CNBD1: variants seen among roughly 807,000 people sequenced by gnomAD.
The protein encoded by CNBD1 is cyclic nucleotide-binding domain-containing protein 1.
In CNBD1, 71 loss-of-function variants were observed where a neutral mutation model predicts 54.4. The ratio of observed to expected loss-of-function variants is 1.30; its 90% CI spans 1.08 to 1.59. The LOEUF is 1.59. CNBD1 is among the 40% of genes most tolerant of loss of function. CNBD1 has a pLI of 0.00. For missense variants in CNBD1, 659 were observed against 518.0 expected (o/e 1.27, Z -2.64); for synonymous variants, 182 against 170.7 (o/e 1.07, Z -0.51).
chr8:87,385,553 A>G (rs893116677), downstream of CNBD1, among the ~76,000 whole-genome samples: 7 of 152,094 alleles, frequency 4.6e-5, no homozygotes, highest in Non-Finnish European at 1.0e-4. Context: ...ACTGCAAGGC[A>G]GCAGTGAGGC....
At chr8:87,161,572 C>T (rs1230332570) in intron 4 of CNBD1, among the ~76,000 whole-genome samples, 3 of 152,010 alleles carry the variant, frequency 2.0e-5, no homozygotes, top group Admixed American at 6.6e-5. Flanking sequence ...CAATTAAGTA[C>T]ACATAAAATC....
chr8:87,387,634 T>A (rs1383620900), downstream of CNBD1, among the ~76,000 whole-genome samples: 1 of 152,114 alleles, frequency 6.6e-6, no homozygotes, highest in African/African-American at 2.4e-5. Context: ...CAAAGACACT[T>A]AGACTCCCAC....
chr8:87,344,613 CT>C (rs1810132756), intron 8 of CNBD1, among the ~76,000 whole-genome samples: 1 of 151,988 alleles, frequency 6.6e-6, no homozygotes, highest in African/African-American at 2.4e-5. Flanking sequence ...TTACCTGCCC[CT>C]GTGTAGACTA....
At chr8:87,424,774 T>C (rs1013252059) in intron 2 of CNBD1, among the ~76,000 whole-genome samples, 2 of 152,170 alleles carry the variant, frequency 1.3e-5, no homozygotes, top group Non-Finnish European at 2.9e-5. Context: ...CATTTCAACT[T>C]TGGTGAATCT....
chr8:86,947,064 G>A (rs911735460), intron 4 of CNBD1, among the ~76,000 whole-genome samples: 2 of 152,084 alleles, frequency 1.3e-5, no homozygotes, highest in African/African-American at 4.8e-5. Flanking sequence ...GCAAGATTTG[G>A]TTGTTTCTAG....
chr8:87,247,899 G>A (rs1022459835), intron 6 of CNBD1, among the ~76,000 whole-genome samples: 1 of 152,190 alleles, frequency 6.6e-6, no homozygotes, highest in African/African-American at 2.4e-5. Flanking sequence ...CACAATTTCT[G>A]TATGGGTGAC....
intron 8 of CNBD1, among the ~76,000 whole-genome samples, chr8:87,335,310 A>G (rs1809921806): frequency 6.6e-6 from 1 of 152,144 alleles, no homozygotes. Flanking sequence ...GGGGTGTTAA[A>G]GTCTCCTACT....
At chr8:87,416,303 T>A (rs903314493) in intron 2 of CNBD1, among the ~76,000 whole-genome samples, 1 of 152,056 alleles carries the variant, frequency 6.6e-6, no homozygotes, top group Admixed American at 6.6e-5. Flanking sequence ...AACATTCTAT[T>A]TTCTATGAAA....
chr8:87,237,868 A>C (rs1176759079), intron 6 of CNBD1, among the ~76,000 whole-genome samples: 1 of 152,180 alleles, frequency 6.6e-6, no homozygotes, highest in African/African-American at 2.4e-5. Flanking sequence ...GACAAGGATA[A>C]AAATGAACAA....
At chr8:87,055,441 T>A (rs1020189296) in intron 4 of CNBD1, among the ~76,000 whole-genome samples, 1 of 151,746 alleles carries the variant, frequency 6.6e-6, no homozygotes, top group Non-Finnish European at 1.5e-5. Flanking sequence ...AGTCCCCCCC[T>A]TCCCTCCCTG....
intron 8 of CNBD1, among the ~76,000 whole-genome samples, chr8:87,347,782 A>G (rs1215490128): frequency 2.0e-5 from 3 of 152,140 alleles, no homozygotes; most frequent in Non-Finnish European, 4.4e-5. Context: ...CCTGCTGAGA[A>G]GGGGAGAAAG....
chr8:87,231,778 A>G (rs190141843), intron 5 of CNBD1, among the ~76,000 whole-genome samples: 64 of 152,216 alleles, frequency 4.2e-4, no homozygotes, highest in South Asian at 3.7e-3. Flanking sequence ...TTTTAAGGCA[A>G]AATTTATATA....
chr8:87,319,746 A>G (rs1033233549), intron 8 of CNBD1, among the ~76,000 whole-genome samples: 1 of 152,112 alleles, frequency 6.6e-6, no homozygotes, highest in Non-Finnish European at 1.5e-5. Flanking sequence ...CTCTATAAGA[A>G]TAAAATTAAC....
At chr8:87,186,757 ATAGTG>A (rs1332283764) in intron 4 of CNBD1, among the ~76,000 whole-genome samples, 1 of 152,078 alleles carries the variant, frequency 6.6e-6, no homozygotes, top group African/African-American at 2.4e-5. Context: ...ATTGAAATAT[ATAGTG>A]TAAGTAATTT....
chr8:86,920,990 T>A (rs1809263216), intron 3 of CNBD1, among the ~76,000 whole-genome samples: 1 of 152,122 alleles, frequency 6.6e-6, no homozygotes, highest in South Asian at 2.1e-4. Flanking sequence ...TGTTCAAAAG[T>A]AAAGATGAAT....
intron 2 of CNBD1, among the ~76,000 whole-genome samples, chr8:87,414,408 A>T (rs1807803424): frequency 1.3e-5 from 2 of 152,206 alleles, no homozygotes; most frequent in Non-Finnish European, 1.5e-5. Flanking sequence ...GCATTAGGAG[A>T]TATACCTAAT....
intron 8 of CNBD1, among the ~76,000 whole-genome samples, chr8:87,342,445 A>C (rs2130920355): frequency 6.6e-6 from 1 of 152,280 alleles, no homozygotes; most frequent in East Asian, 1.9e-4. Context: ...TGAATCAGTT[A>C]TTTTAAAATT....
chr8:86,974,405 C>A (rs1191615476), intron 4 of CNBD1, among the ~76,000 whole-genome samples: 1 of 151,764 alleles, frequency 6.6e-6, no homozygotes, highest in African/African-American at 2.4e-5. Context: ...TACCACAGAG[C>A]AACTATGTAT....
chr8:87,039,897 A>G (rs1407596895), intron 4 of CNBD1, among the ~76,000 whole-genome samples: 1 of 152,034 alleles, frequency 6.6e-6, no homozygotes, highest in African/African-American at 2.4e-5. Context: ...TTTCATAGGG[A>G]GTCAATGCTG....
Sources: gnomAD v4.1 joint callset for allele counts (sites outside exome capture counted in the v4.1 genomes callset) on GRCh38, gnomAD v4.1.1 for gene constraint, MANE v1.5 for transcripts, NCBI Gene and HGNC (gene_info 2026-07-23, HGNC 2026-07-21) for gene names.